The following AGAP1 variants were observed in gnomAD, a reference collection of about 807,000 sequenced individuals.
The protein encoded by AGAP1 is arf-GAP with GTPase, ANK repeat and PH domain-containing protein 1.
AGAP1 carries 29 observed loss-of-function variants against 105.3 expected under a neutral mutation model. The ratio of observed to expected loss-of-function variants is 0.28; its 90% confidence interval spans 0.21 to 0.38. AGAP1 has a LOEUF of 0.38. Ranked by LOEUF, AGAP1 falls within the 10% of genes least tolerant of loss-of-function variation. The pLI is 1.00. For missense variants in AGAP1, 998 were observed against 1,165.1 expected, an observed-to-expected ratio of 0.86 and a Z score of 2.09; for synonymous variants, 509 against 485.9, an observed-to-expected ratio of 1.05 and a Z score of -0.63.
At chr2:235,682,795 C>T (rs2149403960) in intron 1 of AGAP1, among the ~76,000 whole-genome samples, 1 of 71,006 alleles carries the variant, frequency 1.4e-5, no homozygotes, top group Middle Eastern at 8.2e-3. Context: ...GGTGTGTGCA[C>T]ACGTGTGTGT....
intron 1 of AGAP1, among the ~76,000 whole-genome samples, chr2:235,576,013 G>A (rs1383339738): frequency 6.6e-6 from 1 of 152,198 alleles, no homozygotes; most frequent in Non-Finnish European, 1.5e-5. Context: ...TTGTCCTAGG[G>A]ACCTAAGCCT....
chr2:235,702,934 G>GTTTTTTTTTTTTATTTTTTT lies in AGAP1; in HGVS notation c.164-6233_164-6232insATTTTTTTTTTTTTTTTTTT, dbSNP rs549844265. Among the ~76,000 whole-genome samples, 2 of 88,946 alleles carry GTTTTTTTTTTTTATTTTTTT rather than the reference G, an allele frequency of 2.2e-5. 1 individual carries two copies. The allele number at this position is 88,946 out of a possible 152,430, so 58.4% of individuals were successfully genotyped here. On this transcript the variant is annotated intron_variant, in intron 1 of 17. Transcript: ENST00000304032. Reference sequence around the variant, plus strand: ...TGGTCACTGTGAGCCAGTTTTCTTGGTTTTTTTTTTTTGGACAGAGTCTGG... The same window carrying GTTTTTTTTTTTTATTTTTTT: ...TGGTCACTGTGAGCCAGTTTTCTTGGTTTTTTTTTTTTATTTTTTTTTTTTTTTTTTTGGACAGAGTCTGG...
intron 1 of AGAP1, among the ~76,000 whole-genome samples, chr2:235,545,098 A>G (rs1218984196): frequency 2.0e-5 from 3 of 152,132 alleles, no homozygotes; most frequent in African/African-American, 7.2e-5. Flanking sequence ...TGTTTAGATC[A>G]TGGTCTGTTA....
intron 13 of AGAP1, among the ~76,000 whole-genome samples, chr2:236,023,810 G>T (rs1219003943): frequency 1.3e-5 from 2 of 152,116 alleles, no homozygotes; most frequent in Non-Finnish European, 1.5e-5. Flanking sequence ...GCTTAGCCTT[G>T]TGGACAGAAC....
At chr2:236,102,221 T>A (rs536631311) in intron 16 of AGAP1, among the ~76,000 whole-genome samples, 26 of 152,010 alleles carry the variant, frequency 1.7e-4, no homozygotes, top group Non-Finnish European at 2.8e-4. Flanking sequence ...ATCGAGACCA[T>A]CCTGGCTAAC....
At position 235,728,326 on chromosome 2, in the gene AGAP1, T is replaced by TGTGTGTGTGTGTGTGTGTGTGTGC. The variant is rs986896995; in HGVS notation, c.310+10683_310+10684insTGTGTGTGTGTGTGTGTGTGTGCG. Among the ~76,000 whole-genome samples the TGTGTGTGTGTGTGTGTGTGTGTGC allele has an allele frequency of 4.5e-4, 69 of 151,732 alleles. No homozygotes were observed. The highest frequency in any genetic ancestry group is 1.6e-3 in the African/African-American group (65 of 41,194). Reference sequence around the variant, plus strand: ...CTGTGTGTGTGTGTGTGTGTGTGTGTGCGTGCTCTTAAATCAATGTAAATT... The same window carrying TGTGTGTGTGTGTGTGTGTGTGTGC: ...CTGTGTGTGTGTGTGTGTGTGTGTGTGTGTGTGTGTGTGTGTGTGTGTGCGCGTGCTCTTAAATCAATGTAAATT... On this transcript the variant is annotated intron_variant, in intron 3 of 17. Transcript: ENST00000304032. The surrounding 1 kb of genome is among the most constrained non-coding windows in gnomAD (Gnocchi z 4.3).
At position 235,707,685 on chromosome 2, in the gene AGAP1, C is replaced by T. The variant is rs1437346306; in HGVS notation, c.164-1494C>T. 7.0e-5 allele frequency among the ~76,000 whole-genome samples: 5 copies of T among 71,496 alleles called. No homozygotes were observed. The East Asian group carries it at 1.7e-3, about 24-fold the overall frequency. 46.9% of individuals were successfully genotyped at this position (71,496 alleles called of 152,430 possible). A position where few individuals can be genotyped will look rare whatever the true frequency, so the allele number is the denominator to read the frequency against. ...TCCCCCGGCGTGTGACTTGGTGGGACGTGCTCCCCAGCCTGTGACATGGTG... is the reference window on the plus strand; with the variant it reads ...TCCCCCGGCGTGTGACTTGGTGGGATGTGCTCCCCAGCCTGTGACATGGTG... On this transcript the variant is annotated intron_variant, in intron 1 of 17. Transcript: ENST00000304032.
intron 11 of AGAP1, among the ~76,000 whole-genome samples, chr2:235,909,449 G>A (rs1181945411): frequency 6.6e-6 from 1 of 152,132 alleles, no homozygotes; most frequent in African/African-American, 2.4e-5. Flanking sequence ...TTTCTCAAAT[G>A]TTGATGTGTT....
chr2:236,094,984 A>G (rs1468149964), intron 16 of AGAP1, among the ~76,000 whole-genome samples: 1 of 151,030 alleles, frequency 6.6e-6, no homozygotes, highest in East Asian at 1.9e-4. Context: ...CTGTGGTCCC[A>G]GCTACTCTTG....
At chr2:235,781,648 G>T (rs1174940537) in intron 6 of AGAP1, among the ~76,000 whole-genome samples, 2 of 152,130 alleles carry the variant, frequency 1.3e-5, no homozygotes, top group African/African-American at 2.4e-5. Context: ...AGTCTCGGAG[G>T]CACCTAGAAG....
chr2:235,996,765 A>G (rs528232256), intron 13 of AGAP1, among the ~76,000 whole-genome samples: 12 of 152,368 alleles, frequency 7.9e-5, no homozygotes, highest in African/African-American at 2.6e-4. Flanking sequence ...ATATATTGAA[A>G]TTGTGGTTAA....
At position 235,754,277 on chromosome 2, in the gene AGAP1, G is replaced by A. The variant is rs117135777; in HGVS notation, c.673+3789G>A. 8.3e-4 allele frequency among the ~76,000 whole-genome samples: 127 copies of A among 152,280 alleles called. 3 individuals carry two copies. In the East Asian group the frequency reaches 0.02, roughly 24 times the overall value. On this transcript the variant is annotated intron_variant, in intron 6 of 17. Coordinates refer to ENST00000304032, the MANE Select transcript of AGAP1 (RefSeq NM_001037131.3). The surrounding 1 kb of genome is among the most constrained non-coding windows in gnomAD (Gnocchi z 4.6). ...CCAGCAGGGCCCCTGCCTGCTCGCC[G>A]ACTCAGTTTATTCACATTTCTTGAT...
intron 1 of AGAP1, among the ~76,000 whole-genome samples, chr2:235,505,320 A>G (rs943121762): frequency 6.6e-6 from 1 of 152,146 alleles, no homozygotes; most frequent in Non-Finnish European, 1.5e-5. Flanking sequence ...ATCCCCCTCC[A>G]CAAAGGCCAG....
At position 235,976,544 on chromosome 2, in the gene AGAP1, G is replaced by A. The variant is rs1332984801; in HGVS notation, c.1645+7921G>A. Among the ~76,000 whole-genome samples, 1 of 152,112 alleles carries A rather than the reference G, an allele frequency of 6.6e-6. No individual in the cohort carries two copies. Among genetic ancestry groups the A allele is most frequent in the Non-Finnish European group, 1.5e-5 (1 of 68,008 alleles). ...TAGTGTGGTTTTTGTTTGTTTGTTT[G>A]TTTTAATTTTTTTAACCACACACAA... On this transcript the variant is annotated intron_variant, in intron 13 of 17. Coordinates refer to ENST00000304032, the MANE Select transcript of AGAP1 (RefSeq NM_001037131.3). This position sits in a 1 kb window ranked among gnomAD's most constrained non-coding sequence, Gnocchi z 4.5.
rs2059466439 is a variant in AGAP1 at position 236,105,639 on chromosome 2, TC to T, written c.2115-14551del. On this transcript the variant is annotated intron_variant, in intron 16 of 17. Coordinates refer to ENST00000304032, the MANE Select transcript of AGAP1 (RefSeq NM_001037131.3). The surrounding 1 kb of genome is among the most constrained non-coding windows in gnomAD (Gnocchi z 4.2). Reference sequence around the variant, plus strand: ...GGCGTGAACTCGGCTCACTGCAACCTCCGCCTCCCGGGTTCACACCATTCTC... The same window carrying T: ...GGCGTGAACTCGGCTCACTGCAACCTCGCCTCCCGGGTTCACACCATTCTC... Among the ~76,000 whole-genome samples the T allele has an allele frequency of 7.4e-6, 1 of 135,306 alleles. No homozygotes were observed. The highest frequency in any genetic ancestry group is 1.5e-5 in the Non-Finnish European group (1 of 64,550). 88.8% of individuals were successfully genotyped at this position (135,306 alleles called of 152,430 possible).
intron 15 of AGAP1, among the ~76,000 whole-genome samples, chr2:236,041,266 ATT>A (rs71039704): frequency 1.4e-5 from 2 of 148,090 alleles, no homozygotes; most frequent in Non-Finnish European, 3.0e-5. Context: ...TCACTTGTTG[ATT>A]TTTTTTTTTT....
At chr2:235,624,307 C>T (rs1209190155) in intron 1 of AGAP1, among the ~76,000 whole-genome samples, 2 of 152,130 alleles carry the variant, frequency 1.3e-5, no homozygotes, top group African/African-American at 4.8e-5. Flanking sequence ...CCCCTTGCCC[C>T]CTTCTCTGTT....
At chr2:235,880,588 A>T (rs2049969398) in intron 9 of AGAP1, among the ~76,000 whole-genome samples, 1 of 151,796 alleles carries the variant, frequency 6.6e-6, no homozygotes, top group Admixed American at 6.6e-5. Context: ...AAAAAAAAAA[A>T]AATTAGCCAG....
At chr2:235,932,625 G>A (rs974357976) in intron 12 of AGAP1, among the ~76,000 whole-genome samples, 10 of 152,204 alleles carry the variant, frequency 6.6e-5, no homozygotes, top group African/African-American at 2.4e-4. Flanking sequence ...CTGAGTGAGA[G>A]TAGTCTAGGT....
Sources: allele counts gnomAD v4.1 joint callset (sites outside exome capture counted in the v4.1 genomes callset), GRCh38; gene constraint gnomAD v4.1.1; non-coding constraint Gnocchi (gnomAD v3.1); transcripts MANE v1.5; gene names NCBI Gene and HGNC (gene_info 2026-07-23, HGNC 2026-07-21).